Variants in PIEZO2 observed in about 807,000 individuals in gnomAD.
The protein encoded by PIEZO2 is piezo-type mechanosensitive ion channel component 2.
In PIEZO2, 172 loss-of-function variants were observed where a neutral mutation model predicts 337.3. That is an observed-to-expected ratio of 0.51 (90% CI 0.45 to 0.58). PIEZO2 has a LOEUF of 0.58. PIEZO2 is among the 20% of genes least tolerant of loss of function. The probability of loss-of-function intolerance (pLI) is 0.00; values close to 1 mark genes in which losing one functional copy is unlikely to be tolerated. For synonymous variants in PIEZO2, 1,251 were observed against 1,228.5 expected (o/e 1.02, Z -0.38); for missense variants, 3,028 against 3,391.3 (o/e 0.89, Z 2.66).
intron 33 of PIEZO2, among the ~76,000 whole-genome samples, 163 bp from the exon 34 acceptor site, chr18:10,736,873 C>A (rs554848403): frequency 2.6e-5 from 4 of 152,114 alleles, no homozygotes; most frequent in Non-Finnish European, 5.9e-5. Flanking sequence ...AACTCATCTT[C>A]GGCTAATGCT....
rs537194795 is a variant in PIEZO2 at position 11,094,721 on chromosome 18, G to C, written c.65-28499C>G. Among the ~76,000 whole-genome samples the C allele has an allele frequency of 2.0e-5, 3 of 152,352 alleles. No individual in the cohort carries two copies. In the South Asian group the frequency reaches 6.2e-4, roughly 32 times the overall value. ...ATTCTAACAGGAAAGAAAAATGGGAGCTGGATGAAGAGCTGATTATTCTAT... is the reference window on the plus strand; with the variant it reads ...ATTCTAACAGGAAAGAAAAATGGGACCTGGATGAAGAGCTGATTATTCTAT... On this transcript the variant is annotated intron_variant, in intron 1 of 55. Coordinates refer to ENST00000674853, the MANE Select transcript of PIEZO2 (RefSeq NM_001378183.1). This position sits in a 1 kb window ranked among gnomAD's most constrained non-coding sequence, Gnocchi z 4.4.
chr18:11,028,822 C>A lies in PIEZO2; in HGVS notation c.160+37305G>T, dbSNP rs924348578. Among the ~76,000 whole-genome samples, 1 of 152,084 alleles carries A rather than the reference C, an allele frequency of 6.6e-6. No homozygotes were observed. Among genetic ancestry groups the A allele is most frequent in the African/African-American group, 2.4e-5 (1 of 41,408 alleles). On this transcript the variant is annotated intron_variant, in intron 2 of 55. Transcript: ENST00000674853. This position sits in a 1 kb window ranked among gnomAD's most constrained non-coding sequence, Gnocchi z 4.8. ...ATTAGTCTTTCTTGTGCTTGGTACT[C>A]TATATAATACCTATTGACTCACTTC...
chr18:11,096,786 T>C lies in PIEZO2; in HGVS notation c.65-30564A>G, dbSNP rs980200478. On this transcript the variant is annotated intron_variant, in intron 1 of 55. Coordinates refer to ENST00000674853, the MANE Select transcript of PIEZO2 (RefSeq NM_001378183.1). This position sits in a 1 kb window ranked among gnomAD's most constrained non-coding sequence, Gnocchi z 4.6. ...ATAGCTCAGGCTGACCACACTAACATAAAAAGCACTCATTCTTCTGCATTT... is the reference window on the plus strand; with the variant it reads ...ATAGCTCAGGCTGACCACACTAACACAAAAAGCACTCATTCTTCTGCATTT... Among the ~76,000 whole-genome samples the C allele has an allele frequency of 1.3e-5, 2 of 152,092 alleles. No homozygotes were observed. Among genetic ancestry groups the C allele is most frequent in the African/African-American group, 4.8e-5 (2 of 41,412 alleles).
In PIEZO2 at chr18:11,109,282, T is replaced by C. The variant is rs1319287207; in HGVS notation, c.64+39243A>G. On this transcript the variant is annotated intron_variant, in intron 1 of 55. Coordinates refer to ENST00000674853, the MANE Select transcript of PIEZO2 (RefSeq NM_001378183.1). The surrounding 1 kb of genome is among the most constrained non-coding windows in gnomAD (Gnocchi z 5.1). ...GGGTAAAAAGCTCCAGTCAAAGGTA[T>C]TGCTGAATTAAATCACCTTAGCAAA... Among the ~76,000 whole-genome samples the C allele has an allele frequency of 6.6e-6, 1 of 152,366 alleles. No individual in the cohort carries two copies. The highest frequency in any genetic ancestry group is 2.1e-4 in the South Asian group (1 of 4,828).
At chr18:10,845,126 A>G (rs1235119898) in intron 7 of PIEZO2, among the ~76,000 whole-genome samples, 1 of 152,170 alleles carries the variant, frequency 6.6e-6, no homozygotes, top group East Asian at 1.9e-4. Flanking sequence ...CATTTTACAA[A>G]TATTAATCCA....
At position 10,856,703 on chromosome 18, in the gene PIEZO2, G is replaced by C. The variant is rs114339367; in HGVS notation, c.703+298C>G. Among the ~76,000 whole-genome samples the C allele has an allele frequency of 4.3e-3, 662 of 152,314 alleles. 4 individuals carry two copies. Among genetic ancestry groups the C allele is most frequent in the African/African-American group, 0.015 (635 of 41,570 alleles). On this transcript the variant is annotated intron_variant, in intron 6 of 55. Transcript: ENST00000674853. The surrounding 1 kb of genome is among the most constrained non-coding windows in gnomAD (Gnocchi z 4.7). ...GCAGGTCACCATTCCAAAGCTCTAA[G>C]GAAGAGGATTGTTGTTATTCTAATC...
At chr18:10,758,392 G>C (rs1033460901) in intron 26 of PIEZO2, among the ~76,000 whole-genome samples, 3 of 152,202 alleles carry the variant, frequency 2.0e-5, no homozygotes, top group Non-Finnish European at 4.4e-5. Context: ...ACATCGGTGA[G>C]AGAAATATTA....
intron 2 of PIEZO2, among the ~76,000 whole-genome samples, chr18:11,012,685 C>T (rs2035946010): frequency 6.6e-6 from 1 of 152,084 alleles, no homozygotes; most frequent in Non-Finnish European, 1.5e-5. Context: ...GTCTGTAAAC[C>T]AATGTAACAG....
chr18:11,045,954 T>C (rs1378258888), intron 2 of PIEZO2, among the ~76,000 whole-genome samples: 2 of 152,226 alleles, frequency 1.3e-5, no homozygotes, highest in African/African-American at 2.4e-5. Flanking sequence ...CTTTATGCGA[T>C]AGGTTGTCGC....
chr18:11,111,815 AT>A lies in PIEZO2; in HGVS notation c.64+36709del, dbSNP rs1178274793. 2.0e-5 allele frequency among the ~76,000 whole-genome samples: 3 copies of A among 152,248 alleles called. No individual in the cohort carries two copies. Among genetic ancestry groups the A allele is most frequent in the Non-Finnish European group, 4.4e-5 (3 of 68,044 alleles). On this transcript the variant is annotated intron_variant, in intron 1 of 55. Coordinates refer to ENST00000674853, the MANE Select transcript of PIEZO2 (RefSeq NM_001378183.1). This position sits in a 1 kb window ranked among gnomAD's most constrained non-coding sequence, Gnocchi z 6.2. ...CAGGAGGCTCCTTGTAGGTTAAATTATTCTTGATGAGAAGCAACTTAAATAT... is the reference window on the plus strand; with the variant it reads ...CAGGAGGCTCCTTGTAGGTTAAATTATCTTGATGAGAAGCAACTTAAATAT...
In PIEZO2 at chr18:10,724,924, G is replaced by A. The variant is rs2036469171; in HGVS notation, c.5029+6483C>T. On this transcript the variant is annotated intron_variant, in intron 36 of 55. Coordinates refer to ENST00000674853, the MANE Select transcript of PIEZO2 (RefSeq NM_001378183.1). This position sits in a 1 kb window ranked among gnomAD's most constrained non-coding sequence, Gnocchi z 5.8. Reference sequence around the variant, plus strand: ...TGGCACCCTGGGACAGCCTCCACCTGGACGGCGATGGAACCCAGGTGGGCG... The same window carrying A: ...TGGCACCCTGGGACAGCCTCCACCTAGACGGCGATGGAACCCAGGTGGGCG... The A allele has an allele frequency of 3.7e-6, 6 of 1,605,552 alleles. No homozygotes were observed. The highest frequency in any genetic ancestry group is 5.1e-6 in the Non-Finnish European group (6 of 1,175,476).
chr18:10,786,118 T>C (rs1342913200), intron 16 of PIEZO2, among the ~76,000 whole-genome samples: 2 of 152,344 alleles, frequency 1.3e-5, no homozygotes, highest in Admixed American at 1.3e-4. Context: ...GCTTCAACTG[T>C]AGTTTAAACC....
chr18:10,704,176 G>A, intron 42 of PIEZO2: 1 of 609,798 alleles, frequency 1.6e-6, no homozygotes, highest in Non-Finnish European at 2.8e-6. Flanking sequence ...CCGTGCGTGA[G>A]GTGTGCAGTG....
Position 10,847,924 on chromosome 18 carries a change from C to T in PIEZO2, c.917+7429G>A, listed in dbSNP as rs2041415882. ...AGCTTGGTTGGGTTCATTTGCATTC[C>T]TTAGCATTATAATAACGTGCTTTAC... On this transcript the variant is annotated intron_variant, in intron 7 of 55. Coordinates refer to ENST00000674853, the MANE Select transcript of PIEZO2 (RefSeq NM_001378183.1). This position sits in a 1 kb window ranked among gnomAD's most constrained non-coding sequence, Gnocchi z 5.7. Among the ~76,000 whole-genome samples, 1 of 152,162 alleles carries T rather than the reference C, an allele frequency of 6.6e-6. No individual in the cohort carries two copies. The highest frequency in any genetic ancestry group is 2.1e-4 in the South Asian group (1 of 4,832).
Position 10,870,559 on chromosome 18 carries a change from A to AAT in PIEZO2, c.492+693_492+694insAT, listed in dbSNP as rs2042114733. Among the ~76,000 whole-genome samples the AAT allele has an allele frequency of 2.0e-5, 3 of 151,276 alleles. No homozygotes were observed. The highest frequency in any genetic ancestry group is 3.0e-5 in the Non-Finnish European group (2 of 67,386). ...AACAAAGTACAGTTATTAGAACATA[A>AAT]CAGTGTCCTGAGGCTGGTCAGGGGG... On this transcript the variant is annotated intron_variant, in intron 5 of 55. Transcript: ENST00000674853. The surrounding 1 kb of genome is among the most constrained non-coding windows in gnomAD (Gnocchi z 5.3).
rs1301315499 is a variant in PIEZO2 at position 10,762,943 on chromosome 18, G to A, written c.3102C>T (p.Asn1034=). Residue 1034 remains asparagine, a synonymous_variant, in exon 22 of 56, where the codon AAC becomes AAT. Transcript: ENST00000674853. ...LYQLQTIKPE[N]FSVNCSLPNE... ...TCACCAAGGAACAGTTAACAGAGAA[G>A]TTCTCAGGCTTAATGGTTTGGAGCT... is the stretch of plus-strand genomic sequence containing the variant. The A allele has an allele frequency of 5.2e-6, 8 of 1,537,272 alleles. No individual in the cohort carries two copies. Among genetic ancestry groups the A allele is most frequent in the Middle Eastern group, 1.7e-4 (1 of 5,990 alleles).
rs2036467278 is a variant in PIEZO2 at position 10,724,894 on chromosome 18, G to C, written c.5029+6513C>G. ...CTCTGTAAATAGTACTGGCCGGCGG[G>C]GGCGTGGCACCCTGGGACAGCCTCC... On this transcript the variant is annotated intron_variant, in intron 36 of 55. Transcript: ENST00000674853. The surrounding 1 kb of genome is among the most constrained non-coding windows in gnomAD (Gnocchi z 5.8). 5 of 1,609,506 alleles carry C rather than the reference G, an allele frequency of 3.1e-6. No homozygotes were observed. Among genetic ancestry groups the C allele is most frequent in the East Asian group, 2.2e-5 (1 of 44,832 alleles).
intron 3 of PIEZO2, among the ~76,000 whole-genome samples, chr18:10,949,171 T>C (rs2033170047): frequency 6.6e-6 from 1 of 151,706 alleles, no homozygotes; most frequent in Non-Finnish European, 1.5e-5. Context: ...TTTTGAATTT[T>C]TTAATTGGCT....
rs1251056313 is a variant in PIEZO2 at position 10,940,102 on chromosome 18, C to T, written c.287-28874G>A. Among the ~76,000 whole-genome samples the T allele has an allele frequency of 6.6e-6, 1 of 152,042 alleles. No individual in the cohort carries two copies. The highest frequency in any genetic ancestry group is 1.5e-5 in the Non-Finnish European group (1 of 68,004). ...CAGAAACAAACTCCAGGGAGTGGTT[C>T]GCCAGCCTTTCCTACAAAAAAACAC... On this transcript the variant is annotated intron_variant, in intron 3 of 55. Coordinates refer to ENST00000674853, the MANE Select transcript of PIEZO2 (RefSeq NM_001378183.1). This position sits in a 1 kb window ranked among gnomAD's most constrained non-coding sequence, Gnocchi z 5.3.
Sources: allele counts gnomAD v4.1 joint callset (sites outside exome capture counted in the v4.1 genomes callset), GRCh38; gene constraint gnomAD v4.1.1; non-coding constraint Gnocchi (gnomAD v3.1); transcripts MANE v1.5; gene names NCBI Gene and HGNC (gene_info 2026-07-23, HGNC 2026-07-21).